TBCD: variants seen among roughly 807,000 people sequenced by gnomAD.
TBCD encodes the protein tubulin-specific chaperone D.
TBCD carries 105 observed loss-of-function variants against 169.3 expected under a neutral mutation model. The observed-to-expected ratio is 0.62, with a 90% CI of 0.53 to 0.73. The LOEUF (loss-of-function observed/expected upper bound fraction) is 0.73, where lower values mean the gene tolerates loss of function less well. Ranked by LOEUF, TBCD falls within the 30% of genes least tolerant of loss-of-function variation. TBCD has a pLI of 0.00. For missense variants in TBCD, 1,444 were observed against 1,600.1 expected, an observed-to-expected ratio of 0.90 and a Z score of 1.66; for synonymous variants, 700 against 643.9, an observed-to-expected ratio of 1.09 and a Z score of -1.32.
chr17:82,823,358 T>A (rs549345310), intron 13 of TBCD, among the ~76,000 whole-genome samples: 7 of 152,326 alleles, frequency 4.6e-5, no homozygotes, highest in Non-Finnish European at 1.0e-4. Context: ...TCCCCGCCTG[T>A]TTTTGTTGGC....
Position 82,752,229 on chromosome 17 carries a change from CGAG to C in TBCD, c.44_46del (p.Glu15del), listed in dbSNP as rs1209134139. Reference sequence around the variant, plus strand: ...GCGACGAACCGGCCGCGGGCGGCCCCGAGGAGGAGGCGGAGGACGAGACACTGG... The same window carrying C: ...GCGACGAACCGGCCGCGGGCGGCCCCGAGGAGGCGGAGGACGAGACACTGG... On this transcript the variant is annotated inframe_deletion, in exon 1 of 39. Transcript: ENST00000355528. 10 of 1,526,148 alleles carry C rather than the reference CGAG, an allele frequency of 6.6e-6. No individual in the cohort carries two copies. The highest frequency in any genetic ancestry group is 1.4e-5 in the African/African-American group (1 of 69,850). 94.5% of individuals were successfully genotyped at this position (1,526,148 alleles called of 1,614,324 possible). A position where few individuals can be genotyped will look rare whatever the true frequency, so the allele number is the denominator to read the frequency against.
At chr17:82,883,157 C>T (rs2058486961) in intron 14 of TBCD, among the ~76,000 whole-genome samples, 1 of 152,272 alleles carries the variant, frequency 6.6e-6, no homozygotes, top group Admixed American at 6.5e-5. Flanking sequence ...GGCCCCGCCC[C>T]ACGGCTCAGG....
Position 82,884,223 on chromosome 17 carries a change from AT to A in TBCD, c.1533+24del. ...CCTCTGTAAGTTTTCTCATTTTGAT[AT>A]TTCCTTTCCTGAAGGTGGGGGGTGG... On this transcript the variant is annotated intron_variant, in intron 15 of 38. Coordinates refer to ENST00000355528, the MANE Select transcript of TBCD (RefSeq NM_005993.5). This position sits in a 1 kb window ranked among gnomAD's most constrained non-coding sequence, Gnocchi z 4.2. The A allele has an allele frequency of 6.3e-7, 1 of 1,588,858 alleles. No homozygotes were observed. Among genetic ancestry groups the A allele is most frequent in the Non-Finnish European group, 8.6e-7 (1 of 1,166,292 alleles).
intron 13 of TBCD, among the ~76,000 whole-genome samples, chr17:82,842,819 C>T (rs1598865707): frequency 7.3e-6 from 1 of 137,848 alleles, no homozygotes; most frequent in South Asian, 2.3e-4. Context: ...CTCGCTCTGT[C>T]ACCCAGGCTG....
Position 82,781,467 on chromosome 17 carries a change from T to A in TBCD, c.639-122T>A, listed in dbSNP as rs1444297499. ...GACAGGACTCAGTACAGAGCTGGCATCTTGGTGTAAGGGTGCGTGAGGTGG... is the reference window on the plus strand; with the variant it reads ...GACAGGACTCAGTACAGAGCTGGCAACTTGGTGTAAGGGTGCGTGAGGTGG... On this transcript the variant is annotated intron_variant, in intron 6 of 38. Coordinates refer to ENST00000355528, the MANE Select transcript of TBCD (RefSeq NM_005993.5). The A allele has an allele frequency of 1.3e-5, 17 of 1,283,602 alleles. No homozygotes were observed. The East Asian group carries it at 4.0e-4, about 30-fold the overall frequency. 79.5% of individuals were successfully genotyped at this position (1,283,602 alleles called of 1,614,324 possible).
intron 8 of TBCD, among the ~76,000 whole-genome samples, chr17:82,800,353 CA>C (rs2050417168): frequency 6.6e-6 from 1 of 152,166 alleles, no homozygotes; most frequent in Non-Finnish European, 1.5e-5. Context: ...CTGCTATTGT[CA>C]TCACTGCATG....
intron 13 of TBCD, among the ~76,000 whole-genome samples, chr17:82,862,991 G>A (rs927641496): frequency 2.6e-5 from 4 of 152,180 alleles, no homozygotes; most frequent in African/African-American, 9.7e-5. Context: ...CTGGGGAGAG[G>A]ATTACTGGGT....
chr17:82,801,585 G>C (rs1472116168), intron 9 of TBCD, among the ~76,000 whole-genome samples: 2 of 134,022 alleles, frequency 1.5e-5, no homozygotes, highest in Non-Finnish European at 3.2e-5. Context: ...GTGTGGCTCG[G>C]TCAGCGTGGC....
intron 9 of TBCD, among the ~76,000 whole-genome samples, chr17:82,805,666 G>T (rs2050908007): frequency 6.6e-6 from 1 of 152,178 alleles, no homozygotes; most frequent in South Asian, 2.1e-4. Flanking sequence ...CTGGACTCGG[G>T]GCGTGTTTTG....
rs759733532 is a variant in TBCD, at chr17:82,809,694, C to T, written c.1149-14C>T. 8.7e-6 allele frequency: 14 copies of T among 1,611,942 alleles called. No homozygotes were observed. Among genetic ancestry groups the T allele is most frequent in the South Asian group, 3.3e-5 (3 of 90,630 alleles). Reference sequence around the variant, plus strand: ...TGGTGGTGCCCCTGACGGATTGCTGCGTTTCTCTTTCAGCATCGGTAGGAT... The same window carrying T: ...TGGTGGTGCCCCTGACGGATTGCTGTGTTTCTCTTTCAGCATCGGTAGGAT... On this transcript the variant is annotated splice_polypyrimidine_tract_variant and intron_variant, in intron 11 of 38. Coordinates refer to ENST00000355528, the MANE Select transcript of TBCD (RefSeq NM_005993.5).
rs1319891270 is a variant in TBCD at position 82,887,160 on chromosome 17, T to C, written c.1534-2508T>C. ...GTGTGTGTGTGTGTGTGTGTGTGTG[T>C]GTGTGTGTGCGCGCGCGCGCACGTG... On this transcript the variant is annotated intron_variant, in intron 15 of 38. Transcript: ENST00000355528. 3.2e-3 allele frequency among the ~76,000 whole-genome samples: 344 copies of C among 109,048 alleles called. 1 individual carries two copies. Among genetic ancestry groups the C allele is most frequent in the African/African-American group, 4.9e-3 (114 of 23,120 alleles). The allele number at this position is 109,048 out of a possible 152,430, so 71.5% of individuals were successfully genotyped here.
At chr17:82,896,501 T>A (rs1421283185) in intron 17 of TBCD, among the ~76,000 whole-genome samples, 2 of 145,896 alleles carry the variant, frequency 1.4e-5, no homozygotes, top group Non-Finnish European at 3.0e-5. Context: ...AGCCTTGCTC[T>A]GTCACCCAGG....
At chr17:82,891,900 C>T (rs1307024196) in intron 16 of TBCD, among the ~76,000 whole-genome samples, 3 of 152,158 alleles carry the variant, frequency 2.0e-5, no homozygotes, top group African/African-American at 7.2e-5. Flanking sequence ...TTGTGACTAA[C>T]CCATGGGCAG....
chr17:82,875,010 C>T (rs1398507643), intron 14 of TBCD, among the ~76,000 whole-genome samples: 1 of 152,180 alleles, frequency 6.6e-6, no homozygotes, highest in Non-Finnish European at 1.5e-5. Flanking sequence ...AGCAGCCGCT[C>T]CTCACTCTTC....
chr17:82,923,631 AC>A lies in TBCD; in HGVS notation c.2179-19del. 6.4e-7 allele frequency: 1 copy of A among 1,555,566 alleles called. No homozygotes were observed. The highest frequency in any genetic ancestry group is 8.7e-7 in the Non-Finnish European group (1 of 1,148,462). ...CTCCGAGCAGAGCTGCTGTGCGCTC[AC>A]CGTGCTGCCTTTGTTTTAGGATGCA... On this transcript the variant is annotated intron_variant, in intron 25 of 38. Transcript: ENST00000355528. This position sits in a 1 kb window ranked among gnomAD's most constrained non-coding sequence, Gnocchi z 4.6.
At chr17:82,897,890 C>G (rs1449367721) in intron 17 of TBCD, among the ~76,000 whole-genome samples, 1 of 152,178 alleles carries the variant, frequency 6.6e-6, no homozygotes, top group African/African-American at 2.4e-5. Context: ...CACGGCACAG[C>G]TCTGTTCTCC....
At chr17:82,827,763 GCA>G (rs1351698505) in intron 13 of TBCD, among the ~76,000 whole-genome samples, 1 of 151,030 alleles carries the variant, frequency 6.6e-6, no homozygotes, top group Non-Finnish European at 1.5e-5. Context: ...ACAATCGAAT[GCA>G]CACATCCGCA....
At chr17:82,870,401 A>C in intron 14 of TBCD, 21 bp downstream of exon 14, 3 of 1,608,152 alleles carry the variant, frequency 1.9e-6, no homozygotes, top group Non-Finnish European at 2.6e-6. Flanking sequence ...TCGTCGAGGT[A>C]CATCGGATGC....
intron 13 of TBCD, among the ~76,000 whole-genome samples, chr17:82,827,606 G>A (rs1273829193): frequency 2.0e-5 from 3 of 152,126 alleles, no homozygotes. Context: ...ATGCAGAAGT[G>A]CATACACACG....
Sources: allele counts gnomAD v4.1 joint callset (sites outside exome capture counted in the v4.1 genomes callset), GRCh38; gene constraint gnomAD v4.1.1; non-coding constraint Gnocchi (gnomAD v3.1); transcripts MANE v1.5; gene names NCBI Gene and HGNC (gene_info 2026-07-23, HGNC 2026-07-21).